The following WDR70 variants were observed in gnomAD, a reference collection of about 807,000 sequenced individuals.
WDR70 encodes the protein WD repeat-containing protein 70.
In WDR70, 53 loss-of-function variants were observed where a neutral mutation model predicts 88.6. The ratio of observed to expected loss-of-function variants is 0.60; its 90% confidence interval spans 0.48 to 0.75. The LOEUF is 0.75. Ranked by LOEUF, WDR70 falls within the 30% of genes least tolerant of loss-of-function variation. WDR70 has a pLI of 0.00. For synonymous variants in WDR70, 280 were observed against 270.0 expected, an observed-to-expected ratio of 1.04 and a Z score of -0.36; for missense variants, 610 against 823.2, an observed-to-expected ratio of 0.74 and a Z score of 3.17.
At chr5:37,730,621 C>G (rs762892090) in intron 17 of WDR70, among the ~76,000 whole-genome samples, 65 of 152,106 alleles carry the variant, frequency 4.3e-4, no homozygotes, top group Non-Finnish European at 7.6e-4. Flanking sequence ...TAGGTTGTTT[C>G]AGTATTTTGT....
At position 37,705,557 on chromosome 5, in the gene WDR70, A is replaced by G. The variant is rs142485408; in HGVS notation, c.1416+2470A>G. Among the ~76,000 whole-genome samples the G allele has an allele frequency of 1.9e-4, 29 of 152,248 alleles. 1 individual carries two copies. The highest frequency in any genetic ancestry group is 5.5e-4 in the African/African-American group (23 of 41,538). On this transcript the variant is annotated intron_variant, in intron 13 of 17. Coordinates refer to ENST00000265107, the MANE Select transcript of WDR70 (RefSeq NM_018034.4). ...CAAACAGCATCATTTTTCTGTTTATATATTAGAATGCTATGTTAAATAAAT... is the reference window on the plus strand; with the variant it reads ...CAAACAGCATCATTTTTCTGTTTATGTATTAGAATGCTATGTTAAATAAAT...
intron 10 of WDR70, among the ~76,000 whole-genome samples, chr5:37,681,288 G>C (rs1746429015): frequency 6.6e-6 from 1 of 152,102 alleles, no homozygotes; most frequent in African/African-American, 2.4e-5. Context: ...TGTATCCTGA[G>C]GCTTTGCTGA....
chr5:37,606,739 A>G (rs984018923), intron 10 of WDR70, among the ~76,000 whole-genome samples: 2 of 152,134 alleles, frequency 1.3e-5, no homozygotes, highest in Admixed American at 6.5e-5. Context: ...TTATTATACC[A>G]TATCTCATTT....
At chr5:37,568,309 C>T (rs76140866) in intron 9 of WDR70, among the ~76,000 whole-genome samples, 2,894 of 152,206 alleles carry the variant, frequency 0.019, 42 homozygotes, top group Non-Finnish European at 0.033. Context: ...ATGACCTGGT[C>T]CTTACCTTAA....
intron 9 of WDR70, among the ~76,000 whole-genome samples, chr5:37,558,188 C>G (rs528417360): frequency 5.3e-5 from 8 of 152,048 alleles, no homozygotes; most frequent in African/African-American, 1.9e-4. Flanking sequence ...GAAATATCAG[C>G]CATTTGTTTA....
intron 17 of WDR70, among the ~76,000 whole-genome samples, chr5:37,743,822 C>A (rs1748561863): frequency 6.6e-6 from 1 of 152,244 alleles, no homozygotes; most frequent in Non-Finnish European, 1.5e-5. Context: ...TGCAGACCAA[C>A]AGACTTTGCC....
chr5:37,429,592 A>G (rs1275364546), intron 5 of WDR70, among the ~76,000 whole-genome samples: 6 of 152,074 alleles, frequency 3.9e-5, no homozygotes, highest in Non-Finnish European at 8.8e-5. Flanking sequence ...TGTTTGTTTA[A>G]AAGGTCTTCT....
intron 3 of WDR70, among the ~76,000 whole-genome samples, chr5:37,382,103 T>C (rs1472256858): frequency 6.7e-6 from 1 of 149,846 alleles, no homozygotes; most frequent in East Asian, 1.9e-4. Context: ...TCACTGTTGT[T>C]TTTTTTTTTT....
At chr5:37,570,641 A>G (rs1481222053) in intron 9 of WDR70, among the ~76,000 whole-genome samples, 1 of 152,186 alleles carries the variant, frequency 6.6e-6, no homozygotes, top group Non-Finnish European at 1.5e-5. Flanking sequence ...GAGTACTGTC[A>G]CAGAACTAAG....
At chr5:37,693,733 G>A (rs1746888945) in intron 10 of WDR70, among the ~76,000 whole-genome samples, 1 of 152,086 alleles carries the variant, frequency 6.6e-6, no homozygotes, top group Admixed American at 6.5e-5. Flanking sequence ...TTAAATGTTA[G>A]ACCTAAAACC....
At chr5:37,447,622 T>C (rs1412757779) in intron 7 of WDR70, among the ~76,000 whole-genome samples, 1 of 152,090 alleles carries the variant, frequency 6.6e-6, no homozygotes, top group South Asian at 2.1e-4. Context: ...AAATGATGAG[T>C]TCATGTCATT....
intron 5 of WDR70, among the ~76,000 whole-genome samples, chr5:37,420,757 C>T (rs895974196): frequency 1.3e-5 from 2 of 151,798 alleles, no homozygotes; most frequent in South Asian, 4.2e-4. Context: ...ACTAAAAATA[C>T]AAAAAAATAA....
chr5:37,496,002 T>C (rs1740204742), intron 8 of WDR70, among the ~76,000 whole-genome samples: 2 of 152,236 alleles, frequency 1.3e-5, no homozygotes, highest in Non-Finnish European at 1.5e-5. Context: ...CCACATGTCC[T>C]TTTATCCTAA....
At chr5:37,413,277 T>G (rs575129970) in intron 5 of WDR70, among the ~76,000 whole-genome samples, 2 of 152,272 alleles carry the variant, frequency 1.3e-5, no homozygotes, top group Admixed American at 1.3e-4. Context: ...AAAAAAAGAA[T>G]CTTTTATAAA....
chr5:37,635,301 G>T (rs1243282528), intron 10 of WDR70, among the ~76,000 whole-genome samples: 1 of 152,138 alleles, frequency 6.6e-6, no homozygotes, highest in East Asian at 1.9e-4. Context: ...GTTAGGAGAG[G>T]ATCCTGCACT....
chr5:37,589,303 TATAA>T (rs1743460433), intron 9 of WDR70, among the ~76,000 whole-genome samples: 2 of 150,486 alleles, frequency 1.3e-5, no homozygotes, highest in East Asian at 2.0e-4. Context: ...ATTTAATATA[TATAA>T]ATATATGAAC....
At chr5:37,596,511 A>G (rs987592610) in intron 9 of WDR70, among the ~76,000 whole-genome samples, 1 of 152,042 alleles carries the variant, frequency 6.6e-6, no homozygotes, top group Non-Finnish European at 1.5e-5. Flanking sequence ...AAGGTTACAG[A>G]CCCTTTTCAC....
At chr5:37,388,938 C>T (rs1044703369) in intron 3 of WDR70, among the ~76,000 whole-genome samples, 9 of 151,942 alleles carry the variant, frequency 5.9e-5, no homozygotes, top group Non-Finnish European at 4.4e-5. Flanking sequence ...AGTAGGCAGC[C>T]TCAGTATCTT....
intron 5 of WDR70, among the ~76,000 whole-genome samples, chr5:37,404,075 G>C (rs538975973): frequency 1.3e-5 from 2 of 152,288 alleles, no homozygotes; most frequent in East Asian, 3.9e-4. Context: ...GTAAGAATCA[G>C]CTTTGGTGCA....
Sources: allele counts gnomAD v4.1 joint callset (sites outside exome capture counted in the v4.1 genomes callset), GRCh38; gene constraint gnomAD v4.1.1; transcripts MANE v1.5; gene names NCBI Gene and HGNC (gene_info 2026-07-23, HGNC 2026-07-21).